The following WWOX variants were observed in gnomAD, a reference collection of about 807,000 sequenced individuals.
WWOX encodes WW domain-containing oxidoreductase.
Under a neutral mutation model 46.2 loss-of-function variants are expected in WWOX, and 69 were observed. The observed-to-expected ratio is 1.49, with a 90% CI of 1.23 to 1.82. The LOEUF (loss-of-function observed/expected upper bound fraction) is 1.82, where lower values mean the gene tolerates loss of function less well. Ranked by LOEUF, WWOX falls within the 40% of genes most tolerant of loss-of-function variation. WWOX has a pLI of 0.00. For synonymous variants in WWOX, 359 were observed against 202.6 expected, an observed-to-expected ratio of 1.77 and a Z score of -6.56; for missense variants, 919 against 542.6, an observed-to-expected ratio of 1.69 and a Z score of -6.89.
At chr16:78,538,982 C>G (rs1388970761) in intron 8 of WWOX, among the ~76,000 whole-genome samples, 1 of 152,190 alleles carries the variant, frequency 6.6e-6, no homozygotes, top group African/African-American at 2.4e-5. Context: ...TGCCCTTTCA[C>G]AGCTGTGGGA....
intron 8 of WWOX, among the ~76,000 whole-genome samples, chr16:79,009,651 A>C (rs923392006): frequency 6.6e-6 from 1 of 152,078 alleles, no homozygotes; most frequent in Non-Finnish European, 1.5e-5. Context: ...AGGTTTCCCC[A>C]TGTTGGCCAG....
intron 8 of WWOX, among the ~76,000 whole-genome samples, chr16:78,754,141 C>T (rs867434247): frequency 2.0e-5 from 3 of 152,038 alleles, no homozygotes; most frequent in African/African-American, 7.2e-5. Context: ...CTCTTTTGCT[C>T]TGTGGCAGCT....
At chr16:78,102,534 C>T (rs2031865155) in intron 1 of WWOX, among the ~76,000 whole-genome samples, 3 of 152,212 alleles carry the variant, frequency 2.0e-5, no homozygotes, top group Admixed American at 1.3e-4. Context: ...GGGACGGAGG[C>T]AAGCTCCTGA....
intron 4 of WWOX, among the ~76,000 whole-genome samples, chr16:78,124,960 C>T (rs1047077037): frequency 2.6e-5 from 4 of 152,044 alleles, no homozygotes; most frequent in Non-Finnish European, 2.9e-5. Flanking sequence ...GCCAGATGAA[C>T]GGAGCTAAGC....
At chr16:78,490,848 C>T (rs1267976268) in intron 8 of WWOX, among the ~76,000 whole-genome samples, 1 of 152,192 alleles carries the variant, frequency 6.6e-6, no homozygotes, top group Non-Finnish European at 1.5e-5. Flanking sequence ...CCGAGAAGCT[C>T]ACCCATCACC....
chr16:78,789,457 A>G (rs1386062799), intron 8 of WWOX, among the ~76,000 whole-genome samples: 1 of 152,242 alleles, frequency 6.6e-6, no homozygotes, highest in Admixed American at 6.5e-5. Context: ...TCAATTGGCC[A>G]TAAATGTAAG....
intron 8 of WWOX, among the ~76,000 whole-genome samples, chr16:78,909,743 G>A (rs561011124): frequency 6.6e-6 from 1 of 152,320 alleles, no homozygotes; most frequent in South Asian, 2.1e-4. Context: ...TATTTTAAAT[G>A]GAACAGGGAG....
intron 8 of WWOX, among the ~76,000 whole-genome samples, chr16:78,777,896 T>C (rs764291177): frequency 1.3e-5 from 2 of 151,892 alleles, no homozygotes; most frequent in Non-Finnish European, 2.9e-5. Flanking sequence ...AATATAAAAA[T>C]GAGCTGGGTG....
chr16:78,359,553 G>C (rs964973605), intron 5 of WWOX, among the ~76,000 whole-genome samples: 5 of 152,098 alleles, frequency 3.3e-5, no homozygotes, highest in African/African-American at 1.2e-4. Flanking sequence ...GACTTAAAAT[G>C]AGTTAGAATA....
intron 8 of WWOX, among the ~76,000 whole-genome samples, chr16:78,766,373 T>C (rs987742157): frequency 6.6e-6 from 1 of 152,128 alleles, no homozygotes; most frequent in Non-Finnish European, 1.5e-5. Flanking sequence ...GGTGGGAGAA[T>C]TGCTTGAGGC....
intron 8 of WWOX, among the ~76,000 whole-genome samples, chr16:78,811,338 T>C (rs951223510): frequency 6.6e-5 from 10 of 152,212 alleles, no homozygotes; most frequent in South Asian, 2.1e-4. Flanking sequence ...CGGGGAATTA[T>C]ATCTACTAGT....
intron 4 of WWOX, among the ~76,000 whole-genome samples, chr16:78,127,875 G>A (rs980543250): frequency 6.6e-6 from 1 of 152,156 alleles, no homozygotes; most frequent in African/African-American, 2.4e-5. Context: ...GCTGTAATTT[G>A]ACACAGATTG....
intron 5 of WWOX, among the ~76,000 whole-genome samples, chr16:78,378,442 A>G (rs542103657): frequency 6.6e-6 from 1 of 152,194 alleles, no homozygotes; most frequent in African/African-American, 2.4e-5. Context: ...CTGTGTCCCC[A>G]TGCATTTTCC....
intron 5 of WWOX, among the ~76,000 whole-genome samples, chr16:78,345,639 CAAA>C (rs1193432164): frequency 0.083 from 2,064 of 25,008 alleles, 202 homozygotes; most frequent in African/African-American, 0.22. Flanking sequence ...GACCCTGTCT[CAAA>C]AAAAAAAAAA....
At chr16:78,522,742 A>T (rs1382130788) in intron 8 of WWOX, among the ~76,000 whole-genome samples, 5 of 152,236 alleles carry the variant, frequency 3.3e-5, no homozygotes, top group South Asian at 4.1e-4. Context: ...GAGACTTGGG[A>T]TGATAAAGTC....
chr16:78,103,751 C>A (rs549094291), intron 1 of WWOX, among the ~76,000 whole-genome samples: 18 of 152,218 alleles, frequency 1.2e-4, no homozygotes, highest in Non-Finnish European at 2.6e-4. Flanking sequence ...TGAGTCATTT[C>A]TTTTCCATAT....
At position 78,809,299 on chromosome 16, in the gene WWOX, C is replaced by G. The variant is rs1160141474; in HGVS notation, c.1056+376547C>G. ...GGGGAAACAGGAACCAAAGCAAAGC[C>G]AATAGAGATCTTGAAAAAAAAAAAA... On this transcript the variant is annotated intron_variant, in intron 8 of 8. Transcript: ENST00000566780. Among the ~76,000 whole-genome samples, 3 of 112,556 alleles carry G rather than the reference C, an allele frequency of 2.7e-5. No homozygotes were observed. The Admixed American group carries it at 2.9e-4, about 11-fold the overall frequency. The allele number at this position is 112,556 out of a possible 152,430, so 73.8% of individuals were successfully genotyped here.
intron 4 of WWOX, among the ~76,000 whole-genome samples, chr16:78,131,863 C>A (rs936095773): frequency 4.0e-5 from 6 of 150,520 alleles, no homozygotes; most frequent in African/African-American, 1.5e-4. Flanking sequence ...GGATTACAGG[C>A]GTGAGCCACC....
At chr16:79,129,411 A>G (rs1421087952) in intron 8 of WWOX, among the ~76,000 whole-genome samples, 1 of 148,398 alleles carries the variant, frequency 6.7e-6, no homozygotes, top group Non-Finnish European at 1.5e-5. Context: ...ATCTTGATGT[A>G]TCTATCAAAC....
Sources: gnomAD v4.1 joint callset for allele counts (sites outside exome capture counted in the v4.1 genomes callset) on GRCh38, gnomAD v4.1.1 for gene constraint, MANE v1.5 for transcripts, NCBI Gene and HGNC (gene_info 2026-07-23, HGNC 2026-07-21) for gene names.